The following PCDHA13 variants were observed in gnomAD, a reference collection of about 807,000 sequenced individuals.
PCDHA13 encodes the protein protocadherin alpha 13.
PCDHA13 carries 54 observed loss-of-function variants against 64.8 expected under a neutral mutation model. That is an observed-to-expected ratio of 0.83 (90% CI 0.67 to 1.04). The LOEUF is 1.04. Among genes scored for constraint, PCDHA13 ranks in the 50% least tolerant of loss-of-function variants. The probability of loss-of-function intolerance (pLI) is 0.00; values close to 1 mark genes in which losing one functional copy is unlikely to be tolerated. For missense variants in PCDHA13, 1,248 were observed against 1,254.3 expected (o/e 0.99, Z 0.08); for synonymous variants, 587 against 564.4 (o/e 1.04, Z -0.57).
intron 1 of PCDHA13, among the ~76,000 whole-genome samples, chr5:140,962,850 G>T (rs2095713419): frequency 6.6e-6 from 1 of 152,104 alleles, no homozygotes; most frequent in African/African-American, 2.4e-5. Flanking sequence ...TATAACTTGT[G>T]CTCGGTTTGT....
At chr5:140,992,606 G>A (rs1554253052) in intron 3 of PCDHA13, among the ~76,000 whole-genome samples, 1 of 152,188 alleles carries the variant, frequency 6.6e-6, no homozygotes. Flanking sequence ...CTGTGTCTAA[G>A]TGAAAGCAGA....
At chr5:140,971,640 A>G (rs2096489850) in intron 1 of PCDHA13, among the ~76,000 whole-genome samples, 1 of 152,184 alleles carries the variant, frequency 6.6e-6, no homozygotes, top group Non-Finnish European at 1.5e-5. Context: ...CCATGTGCCT[A>G]CATTAAAAGT....
Position 140,941,209 on chromosome 5 carries a change from T to TCCTTTCTTTCTTTC in PCDHA13, c.2395-37740_2395-37739insCCTTTCTTTCTTTC, listed in dbSNP as rs59604197. 5.4e-4 allele frequency among the ~76,000 whole-genome samples: 69 copies of TCCTTTCTTTCTTTC among 126,992 alleles called. 1 individual carries two copies. Among genetic ancestry groups the TCCTTTCTTTCTTTC allele is most frequent in the African/African-American group, 2.2e-3 (68 of 31,202 alleles). The allele number at this position is 126,992 out of a possible 152,430, so 83.3% of individuals were successfully genotyped here. On this transcript the variant is annotated intron_variant, in intron 1 of 3. Coordinates refer to ENST00000289272, the MANE Select transcript of PCDHA13 (RefSeq NM_018904.3). ...TCTTTTTTTTTCTTTCTTCCTTTCT[T>TCCTTTCTTTCTTTC]TCTTCCTTTCTTTCTTTCTTTCTTT...
chr5:141,005,133 T>C (rs559773723), intron 3 of PCDHA13, among the ~76,000 whole-genome samples: 3 of 152,328 alleles, frequency 2.0e-5, no homozygotes, highest in Admixed American at 6.5e-5. Context: ...AAGTGCCTCA[T>C]TGGAGAGTTG....
intron 1 of PCDHA13, among the ~76,000 whole-genome samples, chr5:140,931,932 T>C (rs1163129550): frequency 6.6e-6 from 1 of 151,986 alleles, no homozygotes; most frequent in South Asian, 2.1e-4. Context: ...ATGATTATAA[T>C]GTGTGTCTGA....
intron 1 of PCDHA13, among the ~76,000 whole-genome samples, chr5:140,916,262 G>A: frequency 6.6e-6 from 1 of 152,202 alleles, no homozygotes; most frequent in East Asian, 1.9e-4. Flanking sequence ...GACCCCAAGA[G>A]CATGCTTGTT....
chr5:140,900,233 GT>G (rs1261263702), intron 1 of PCDHA13, among the ~76,000 whole-genome samples: 15 of 151,946 alleles, frequency 9.9e-5, no homozygotes, highest in African/African-American at 2.7e-4. Context: ...ACTGGATCTT[GT>G]TTTTTTTATG....
At chr5:140,965,538 A>G (rs1554227750) in intron 1 of PCDHA13, among the ~76,000 whole-genome samples, 1 of 151,958 alleles carries the variant, frequency 6.6e-6, no homozygotes, top group Non-Finnish European at 1.5e-5. Flanking sequence ...TGGAATCCAA[A>G]TTCCAGCCTG....
chr5:140,903,431 A>G (rs1431018780), intron 1 of PCDHA13, among the ~76,000 whole-genome samples: 3 of 152,242 alleles, frequency 2.0e-5, no homozygotes, highest in South Asian at 2.1e-4. Context: ...CACAATATGT[A>G]TCAGTGGAAT....
intron 1 of PCDHA13, chr5:140,928,054 A>T (rs2084892451): frequency 1.2e-6 from 2 of 1,613,994 alleles, no homozygotes; most frequent in Non-Finnish European, 1.7e-6. Flanking sequence ...TTTTCAGCTG[A>T]CGGCTTCCTT....
chr5:141,002,356 C>G (rs2098075572), intron 3 of PCDHA13, among the ~76,000 whole-genome samples: 1 of 152,272 alleles, frequency 6.6e-6, no homozygotes, highest in Non-Finnish European at 1.5e-5. Flanking sequence ...CACCTCCACT[C>G]CTTTCAACTC....
At chr5:140,906,111 C>T (rs910809345) in intron 1 of PCDHA13, among the ~76,000 whole-genome samples, 1 of 152,100 alleles carries the variant, frequency 6.6e-6, no homozygotes, top group Admixed American at 6.5e-5. Flanking sequence ...TTTCCCAGTC[C>T]ACTGACACAA....
At chr5:140,963,159 C>T (rs971538193) in intron 1 of PCDHA13, among the ~76,000 whole-genome samples, 14 of 151,752 alleles carry the variant, frequency 9.2e-5, no homozygotes, top group Non-Finnish European at 1.9e-4. Flanking sequence ...AAAAATGACA[C>T]ATGCCATCTT....
Position 140,956,653 on chromosome 5 carries a change from G to A in PCDHA13, c.2395-22296G>A, listed in dbSNP as rs146062919. ...TGCCAGGTTTTGGTATCAGGATGAT[G>A]CTGGCCTTAAAGGAGTTAGGGAGGA... On this transcript the variant is annotated intron_variant, in intron 1 of 3. Transcript: ENST00000289272. 5.2e-4 allele frequency among the ~76,000 whole-genome samples: 79 copies of A among 152,240 alleles called. 1 individual carries two copies. The highest frequency in any genetic ancestry group is 1.9e-3 in the African/African-American group (79 of 41,558).
intron 1 of PCDHA13, among the ~76,000 whole-genome samples, chr5:140,971,149 G>C (rs2096459410): frequency 1.3e-5 from 2 of 152,200 alleles, no homozygotes; most frequent in Admixed American, 1.3e-4. Context: ...GAACAAGTCA[G>C]GCCAGGCTCA....
chr5:140,923,012 G>A (rs2081117924), intron 1 of PCDHA13, among the ~76,000 whole-genome samples: 1 of 152,206 alleles, frequency 6.6e-6, no homozygotes, highest in Non-Finnish European at 1.5e-5. Flanking sequence ...TTGTTGGACT[G>A]CAGTTTCGGA....
chr5:140,948,496 A>C (rs1258443825), intron 1 of PCDHA13, among the ~76,000 whole-genome samples: 1 of 151,522 alleles, frequency 6.6e-6, no homozygotes, highest in African/African-American at 2.4e-5. Context: ...TCTTTCATAG[A>C]CTTTCTATTA....
chr5:140,912,163 G>T (rs1018826504), intron 1 of PCDHA13, among the ~76,000 whole-genome samples: 4 of 152,092 alleles, frequency 2.6e-5, no homozygotes, highest in African/African-American at 9.7e-5. Context: ...TTTTATTCTG[G>T]CTGTGCTGGC....
intron 1 of PCDHA13, among the ~76,000 whole-genome samples, chr5:140,908,126 C>T (rs573751399): frequency 1.6e-4 from 24 of 152,360 alleles, no homozygotes; most frequent in South Asian, 1.0e-3. Context: ...TTTCCCTTCA[C>T]TGCTGTCCTT....
Sources: gnomAD v4.1 joint callset for allele counts (sites outside exome capture counted in the v4.1 genomes callset) on GRCh38, gnomAD v4.1.1 for gene constraint, MANE v1.5 for transcripts, NCBI Gene and HGNC (gene_info 2026-07-23, HGNC 2026-07-21) for gene names.